Variants in SPOCK1 observed in about 807,000 individuals in gnomAD.
SPOCK1 encodes the protein testican-1.
Under a neutral mutation model 55.3 loss-of-function variants are expected in SPOCK1, and 23 were observed. The ratio of observed to expected loss-of-function variants is 0.42; its 90% confidence interval spans 0.30 to 0.59. The LOEUF (loss-of-function observed/expected upper bound fraction) is 0.59, where lower values mean the gene tolerates loss of function less well. Among genes scored for constraint, SPOCK1 ranks in the 20% least tolerant of loss-of-function variants. The probability of loss-of-function intolerance (pLI) is 0.22; values close to 1 mark genes in which losing one functional copy is unlikely to be tolerated. For synonymous variants in SPOCK1, 226 were observed against 221.0 expected (o/e 1.02, Z -0.20); for missense variants, 499 against 552.5 (o/e 0.90, Z 0.97).
chr5:137,079,891 C>T (rs1222898538), intron 5 of SPOCK1, among the ~76,000 whole-genome samples: 2 of 152,042 alleles, frequency 1.3e-5, no homozygotes, highest in African/African-American at 4.8e-5. Context: ...CCACCCCACT[C>T]AACAACACAC....
chr5:137,262,903 A>C (rs1324950224), intron 3 of SPOCK1, among the ~76,000 whole-genome samples: 1 of 152,260 alleles, frequency 6.6e-6, no homozygotes, highest in Non-Finnish European at 1.5e-5. Flanking sequence ...TCACTTGTCA[A>C]GCACTTCCTA....
chr5:137,392,040 T>C (rs1235779317), intron 2 of SPOCK1, among the ~76,000 whole-genome samples: 1 of 152,206 alleles, frequency 6.6e-6, no homozygotes, highest in Non-Finnish European at 1.5e-5. Flanking sequence ...TTTTCTTCCT[T>C]GTGGCTTTTC....
chr5:137,350,880 C>A (rs1750663825), intron 2 of SPOCK1, among the ~76,000 whole-genome samples: 1 of 151,996 alleles, frequency 6.6e-6, no homozygotes, highest in South Asian at 2.1e-4. Context: ...TACTACTATG[C>A]TAAGATCAAG....
At chr5:137,420,589 G>A (rs1243221656) in intron 2 of SPOCK1, among the ~76,000 whole-genome samples, 3 of 152,152 alleles carry the variant, frequency 2.0e-5, no homozygotes, top group African/African-American at 7.2e-5. Context: ...TTGCGTAGAG[G>A]TGTTATAGTA....
At chr5:137,176,185 C>T (rs1754848321) in intron 3 of SPOCK1, among the ~76,000 whole-genome samples, 1 of 152,156 alleles carries the variant, frequency 6.6e-6, no homozygotes, top group African/African-American at 2.4e-5. Flanking sequence ...GAGCAAATCC[C>T]ACAGTGATGT....
chr5:137,233,713 CTTTTTTTT>C (rs56328555), intron 3 of SPOCK1, among the ~76,000 whole-genome samples: 58 of 58,420 alleles, frequency 9.9e-4, no homozygotes, highest in East Asian at 3.0e-3. Context: ...AGGATATGCA[CTTTTTTTT>C]TTTTTTTTTT....
chr5:137,011,224 G>T (rs1441632395), intron 6 of SPOCK1, among the ~76,000 whole-genome samples: 1 of 152,174 alleles, frequency 6.6e-6, no homozygotes, highest in Non-Finnish European at 1.5e-5. Context: ...ACCTTCCAAA[G>T]AAACTTTAGT....
intron 7 of SPOCK1, among the ~76,000 whole-genome samples, chr5:136,990,600 T>TCAA (rs1750931464): frequency 6.6e-6 from 1 of 150,952 alleles, no homozygotes; most frequent in Non-Finnish European, 1.5e-5. Flanking sequence ...ACGTGGCCCC[T>TCAA]TCTTTGATCG....
chr5:137,154,219 G>T (rs541690560), intron 3 of SPOCK1, among the ~76,000 whole-genome samples: 1 of 152,032 alleles, frequency 6.6e-6, no homozygotes, highest in African/African-American at 2.4e-5. Flanking sequence ...CCCAGGAGGC[G>T]GAGGTTGCAG....
chr5:137,077,731 G>A (rs1752799085), intron 5 of SPOCK1, among the ~76,000 whole-genome samples: 1 of 152,168 alleles, frequency 6.6e-6, no homozygotes, highest in Non-Finnish European at 1.5e-5. Flanking sequence ...GCAGTCCAGA[G>A]CGGCCCAGCC....
intron 2 of SPOCK1, among the ~76,000 whole-genome samples, chr5:137,390,568 AAC>A (rs1169509855): frequency 6.6e-6 from 1 of 152,180 alleles, no homozygotes; most frequent in Non-Finnish European, 1.5e-5. Context: ...AGGCTTGAAA[AAC>A]ACACAGTGGT....
rs993197699 is a variant in SPOCK1, at chr5:137,480,291, C to T, written c.186+18082G>A. Among the ~76,000 whole-genome samples, 8 of 143,760 alleles carry T rather than the reference C, an allele frequency of 5.6e-5. No individual in the cohort carries two copies. The Admixed American group carries it at 5.8e-4, about 10-fold the overall frequency. The allele number at this position is 143,760 out of a possible 152,430, so 94.3% of individuals were successfully genotyped here. Reference sequence around the variant, plus strand: ...GGTCTTAGAAAGCTGCAGCTGTTCACGTTGCTCTCCTTCACACACACACAC... The same window carrying T: ...GGTCTTAGAAAGCTGCAGCTGTTCATGTTGCTCTCCTTCACACACACACAC... On this transcript the variant is annotated intron_variant, in intron 2 of 10. Coordinates refer to ENST00000394945, the MANE Select transcript of SPOCK1 (RefSeq NM_004598.4).
chr5:137,365,924 CACA>C (rs1225831449), intron 2 of SPOCK1, among the ~76,000 whole-genome samples: 2 of 152,196 alleles, frequency 1.3e-5, no homozygotes, highest in African/African-American at 4.8e-5. Context: ...ACCGCTTACA[CACA>C]ACGACGCACA....
chr5:137,332,277 C>G (rs1758201499), intron 2 of SPOCK1, among the ~76,000 whole-genome samples: 2 of 152,174 alleles, frequency 1.3e-5, no homozygotes, highest in African/African-American at 2.4e-5. Flanking sequence ...CAAGTTCCCT[C>G]TTGTGAGAGG....
intron 3 of SPOCK1, among the ~76,000 whole-genome samples, chr5:137,219,435 C>A (rs920825143): frequency 6.6e-6 from 1 of 152,138 alleles, no homozygotes; most frequent in Non-Finnish European, 1.5e-5. Flanking sequence ...GCCTAATGAG[C>A]CAGGAATTGG....
chr5:137,467,078 T>C (rs559885647), intron 2 of SPOCK1, among the ~76,000 whole-genome samples: 1 of 152,336 alleles, frequency 6.6e-6, no homozygotes, highest in Admixed American at 6.5e-5. Context: ...TTTCCTTTGG[T>C]TCCTTGCCAC....
chr5:137,423,567 A>G (rs1378177892), intron 2 of SPOCK1, among the ~76,000 whole-genome samples: 1 of 152,192 alleles, frequency 6.6e-6, no homozygotes, highest in Non-Finnish European at 1.5e-5. Flanking sequence ...CTCCATGGCA[A>G]TGGACCCTCT....
chr5:137,362,795 C>A (rs1032695849), intron 2 of SPOCK1, among the ~76,000 whole-genome samples: 12 of 152,196 alleles, frequency 7.9e-5, no homozygotes, highest in Admixed American at 2.0e-4. Flanking sequence ...ACAGACAGGG[C>A]AGATTTGGCC....
chr5:137,440,706 G>C (rs909226331), intron 2 of SPOCK1, among the ~76,000 whole-genome samples: 4 of 152,164 alleles, frequency 2.6e-5, no homozygotes, highest in Non-Finnish European at 5.9e-5. Context: ...TTCCCTGGAA[G>C]TTATATTTTA....
Sources: gnomAD v4.1 joint callset for allele counts (sites outside exome capture counted in the v4.1 genomes callset) on GRCh38, gnomAD v4.1.1 for gene constraint, MANE v1.5 for transcripts, NCBI Gene and HGNC (gene_info 2026-07-23, HGNC 2026-07-21) for gene names.